SNTG2: variants seen among roughly 807,000 people sequenced by gnomAD.
The protein encoded by SNTG2 is gamma-2-syntrophin.
A neutral mutation model predicts 70.9 loss-of-function variants in SNTG2; 74 were observed. The ratio of observed to expected loss-of-function variants is 1.04; its 90% CI spans 0.86 to 1.27. SNTG2 has a LOEUF of 1.27. Ranked by LOEUF, SNTG2 falls within the 50% of genes most tolerant of loss-of-function variation. The probability of loss-of-function intolerance (pLI) is 0.00; values close to 1 mark genes in which losing one functional copy is unlikely to be tolerated. For missense variants in SNTG2, 717 were observed against 690.7 expected, an observed-to-expected ratio of 1.04 and a Z score of -0.43; for synonymous variants, 278 against 273.8, an observed-to-expected ratio of 1.02 and a Z score of -0.15.
intron 14 of SNTG2, among the ~76,000 whole-genome samples, chr2:1,301,041 G>A (rs73177780): frequency 0.012 from 1,762 of 152,196 alleles, 35 homozygotes; most frequent in African/African-American, 0.04. Context: ...ATTCTCCACC[G>A]ACAGCCTGAA....
intron 16 of SNTG2, among the ~76,000 whole-genome samples, chr2:1,352,330 C>T (rs1033576831): frequency 7.2e-5 from 11 of 152,206 alleles, no homozygotes; most frequent in Non-Finnish European, 1.5e-4. Flanking sequence ...GCCAGCCCCT[C>T]TGCCTCCTGA....
intron 4 of SNTG2, among the ~76,000 whole-genome samples, chr2:1,122,599 A>G (rs1040218853): frequency 1.3e-5 from 2 of 152,132 alleles, no homozygotes; most frequent in African/African-American, 4.8e-5. Flanking sequence ...AAAAATTCCT[A>G]GCTAGCATTA....
intron 4 of SNTG2, among the ~76,000 whole-genome samples, chr2:1,105,092 A>G (rs777296762): frequency 6.6e-6 from 1 of 152,114 alleles, no homozygotes; most frequent in Non-Finnish European, 1.5e-5. Context: ...GAGTTGTTGG[A>G]CAGCCTTTTG....
chr2:1,055,912 T>C (rs1662362497), intron 1 of SNTG2, among the ~76,000 whole-genome samples: 1 of 152,174 alleles, frequency 6.6e-6, no homozygotes, highest in South Asian at 2.1e-4. Flanking sequence ...AAATTAGCCC[T>C]TGCCCAGACA....
intron 13 of SNTG2, among the ~76,000 whole-genome samples, chr2:1,266,488 A>T (rs1436610300): frequency 1.3e-5 from 2 of 152,144 alleles, no homozygotes; most frequent in Non-Finnish European, 2.9e-5. Flanking sequence ...GAACAACATC[A>T]TTACATCATT....
chr2:1,193,802 G>A (rs141264795), intron 8 of SNTG2, among the ~76,000 whole-genome samples: 123 of 152,290 alleles, frequency 8.1e-4, no homozygotes, highest in African/African-American at 2.7e-3. Context: ...TTACATTTTA[G>A]ATTCCTGACC....
intron 8 of SNTG2, among the ~76,000 whole-genome samples, chr2:1,178,685 T>A (rs1418452668): frequency 6.6e-6 from 1 of 152,174 alleles, no homozygotes; most frequent in Non-Finnish European, 1.5e-5. Flanking sequence ...CTTTTTGATG[T>A]GCTGCTGGAT....
chr2:981,994 A>T (rs1423974597), intron 1 of SNTG2, among the ~76,000 whole-genome samples: 1 of 152,168 alleles, frequency 6.6e-6, no homozygotes, highest in Non-Finnish European at 1.5e-5. Flanking sequence ...GCACTTGTGC[A>T]CACACGTGTC....
chr2:1,221,252 G>C (rs1370960669), intron 9 of SNTG2, among the ~76,000 whole-genome samples: 3 of 55,678 alleles, frequency 5.4e-5, no homozygotes. Flanking sequence ...GCCTCTCTCT[G>C]TCTCTCAGAG....
Position 1,236,418 on chromosome 2 carries a change from G to A in SNTG2, c.720-1470G>A, listed in dbSNP as rs578162042. Among the ~76,000 whole-genome samples, 61 of 152,326 alleles carry A rather than the reference G, an allele frequency of 4.0e-4. No individual in the cohort carries two copies. In the East Asian group the frequency reaches 0.011, roughly 29 times the overall value. On this transcript the variant is annotated intron_variant, in intron 9 of 16. Transcript: ENST00000308624. ...GAAAGGTGATCAGAAAGGGCTGTGC[G>A]AAGGTGGAGGCAGAGCTGCCTGCCC... is the stretch of plus-strand genomic sequence containing the variant.
intron 16 of SNTG2, chr2:1,341,409 C>T (rs1234664797): frequency 6.6e-6 from 1 of 152,230 alleles, no homozygotes; most frequent in Non-Finnish European, 1.5e-5. Flanking sequence ...CCCGAATGCC[C>T]TCCTCACAGA....
intron 1 of SNTG2, among the ~76,000 whole-genome samples, chr2:962,349 G>A (rs984138350): frequency 6.6e-6 from 1 of 152,162 alleles, no homozygotes; most frequent in Non-Finnish European, 1.5e-5. Context: ...TGAGATTGTA[G>A]GTGTGAGCCA....
chr2:1,270,525 T>C (rs1368072791), intron 14 of SNTG2, among the ~76,000 whole-genome samples: 1 of 152,196 alleles, frequency 6.6e-6, no homozygotes, highest in Admixed American at 6.5e-5. Context: ...ATGTTACTTC[T>C]CCACAGTCAC....
intron 8 of SNTG2, among the ~76,000 whole-genome samples, chr2:1,178,760 T>C (rs928520160): frequency 6.6e-6 from 1 of 152,132 alleles, no homozygotes; most frequent in African/African-American, 2.4e-5. Context: ...TGGTCTAAAA[T>C]TCTCTTTTTT....
In SNTG2 at chr2:996,196, C is replaced by T. The variant is rs116879088; in HGVS notation, c.72+45128C>T. Among the ~76,000 whole-genome samples, 63 of 152,234 alleles carry T rather than the reference C, an allele frequency of 4.1e-4. No homozygotes were observed. In the East Asian group the frequency reaches 0.012, roughly 28 times the overall value. ...CTGGTATGCAGTTTTCTGGTCCATA[C>T]TGGGTTAAAATAGATTAATTTAAAT... On this transcript the variant is annotated intron_variant, in intron 1 of 16. Transcript: ENST00000308624.
chr2:1,203,692 G>A (rs57992942), intron 8 of SNTG2, among the ~76,000 whole-genome samples: 26,445 of 122,884 alleles, frequency 0.22, 2,812 homozygotes, highest in African/African-American at 0.34. Flanking sequence ...ATATATATAT[G>A]TGTGTGTGTG....
intron 1 of SNTG2, among the ~76,000 whole-genome samples, chr2:1,060,707 T>A (rs1019757374): frequency 3.3e-5 from 5 of 152,092 alleles, no homozygotes; most frequent in African/African-American, 9.7e-5. Context: ...AAATAGTGAG[T>A]TTATACTGAA....
At chr2:1,068,885 C>T (rs914265834) in intron 1 of SNTG2, among the ~76,000 whole-genome samples, 3 of 152,190 alleles carry the variant, frequency 2.0e-5, no homozygotes, top group African/African-American at 4.8e-5. Flanking sequence ...GTCACTTATG[C>T]GCCAGCTGTT....
At chr2:1,257,693 T>A (rs1678202441) in intron 12 of SNTG2, among the ~76,000 whole-genome samples, 3 of 152,196 alleles carry the variant, frequency 2.0e-5, no homozygotes, top group Admixed American at 2.0e-4. Flanking sequence ...GATATATTAA[T>A]CACAGCACGA....
Sources: gnomAD v4.1 joint callset for allele counts (sites outside exome capture counted in the v4.1 genomes callset) on GRCh38, gnomAD v4.1.1 for gene constraint, MANE v1.5 for transcripts, NCBI Gene and HGNC (gene_info 2026-07-23, HGNC 2026-07-21) for gene names.